KCNIP4: variants seen among roughly 807,000 people sequenced by gnomAD.
The protein encoded by KCNIP4 is potassium voltage-gated channel interacting protein 4, also known as Kv channel-interacting protein 4.
In KCNIP4, 12 loss-of-function variants were observed where a neutral mutation model predicts 34.0. The observed-to-expected ratio is 0.35, with a 90% CI of 0.23 to 0.57. The LOEUF (loss-of-function observed/expected upper bound fraction) is 0.57. Among genes scored for constraint, KCNIP4 ranks in the 20% least tolerant of loss-of-function variants. The probability of loss-of-function intolerance (pLI) is 0.83; values close to 1 mark genes in which losing one functional copy is unlikely to be tolerated. For synonymous variants in KCNIP4, 124 were observed against 102.2 expected (o/e 1.21, Z -1.29); for missense variants, 238 against 311.7 (o/e 0.76, Z 1.78).
chr4:21,504,475 A>AAAAG (rs71191514), intron 1 of KCNIP4, among the ~76,000 whole-genome samples: 5,762 of 101,736 alleles, frequency 0.057, 362 homozygotes, highest in Middle Eastern at 0.14. Context: ...CAAAAAAAAA[A>AAAAG]AAAGAAAGAA....
At chr4:20,944,440 G>A (rs1560589632) in intron 1 of KCNIP4, among the ~76,000 whole-genome samples, 1 of 152,208 alleles carries the variant, frequency 6.6e-6, no homozygotes. Context: ...ACCCCTCCAT[G>A]ACTGAGGATT....
At chr4:21,303,857 A>G in intron 1 of KCNIP4, 1 of 1,614,144 alleles carries the variant, frequency 6.2e-7, no homozygotes, top group South Asian at 1.1e-5. Flanking sequence ...TTTAACAAAA[A>G]GCACAATGAC....
chr4:21,612,349 T>C lies in KCNIP4; in HGVS notation c.61+336222A>G, dbSNP rs567319238. On this transcript the variant is annotated intron_variant, in intron 1 of 8. Transcript: ENST00000382152. The stretch of plus-strand genomic sequence containing the variant: ...TAATAACGTCACACTCAGTGGCACA[T>C]GCCTGTAGTCCAATATACTCAGGAG... Among the ~76,000 whole-genome samples the C allele has an allele frequency of 1.3e-4, 20 of 152,328 alleles. No individual in the cohort carries two copies. In the South Asian group the frequency reaches 3.9e-3, roughly 30 times the overall value.
At chr4:20,755,632 C>T (rs1020374969) in intron 4 of KCNIP4, among the ~76,000 whole-genome samples, 6 of 151,964 alleles carry the variant, frequency 3.9e-5, no homozygotes, top group Admixed American at 2.0e-4. Flanking sequence ...TGGATTGTCT[C>T]GAGTGCCGAA....
intron 1 of KCNIP4, among the ~76,000 whole-genome samples, chr4:21,350,685 C>G (rs1018049285): frequency 6.6e-6 from 1 of 152,150 alleles, no homozygotes; most frequent in Non-Finnish European, 1.5e-5. Context: ...TATTGAAGTG[C>G]TAAGATGAGG....
At chr4:20,802,218 TGCTATAC>T (rs772960863) in intron 3 of KCNIP4, among the ~76,000 whole-genome samples, 41,469 of 123,352 alleles carry the variant, frequency 0.34, 10,054 homozygotes, top group Admixed American at 0.48. Context: ...GCTACATATA[TGCTATAC>T]ATATGCTACA....
rs71655673 is a variant in KCNIP4, at chr4:21,894,334, C to CAAATAAATAAATAAAT, written c.61+54221_61+54236dup. ...TGGGTGACAAAGTGAGACCCAGTCT[C>CAAATAAATAAATAAAT]AAATAAATAAATAAATAAATAAATA... On this transcript the variant is annotated intron_variant, in intron 1 of 8. Transcript: ENST00000382152. 8.2e-4 allele frequency among the ~76,000 whole-genome samples: 123 copies of CAAATAAATAAATAAAT among 150,902 alleles called. 1 individual carries two copies. Among genetic ancestry groups the CAAATAAATAAATAAAT allele is most frequent in the Middle Eastern group, 3.4e-3 (1 of 294 alleles).
At chr4:21,142,108 G>A (rs1194609591) in intron 1 of KCNIP4, among the ~76,000 whole-genome samples, 5 of 141,448 alleles carry the variant, frequency 3.5e-5, no homozygotes, top group East Asian at 4.2e-4. Context: ...CTGAGATCGT[G>A]CCACTGCACT....
intron 1 of KCNIP4, among the ~76,000 whole-genome samples, chr4:21,116,439 C>T (rs750612460): frequency 1.3e-4 from 20 of 152,154 alleles, no homozygotes; most frequent in African/African-American, 4.3e-4. Context: ...ATCGTTCTTA[C>T]GGCTTTAGAG....
chr4:21,533,218 G>T (rs1298338432), intron 1 of KCNIP4, among the ~76,000 whole-genome samples: 3 of 151,952 alleles, frequency 2.0e-5, no homozygotes, highest in Non-Finnish European at 4.4e-5. Flanking sequence ...ATGAATATAT[G>T]CTCTCTCACT....
At chr4:21,068,260 C>T (rs1419207011) in intron 1 of KCNIP4, among the ~76,000 whole-genome samples, 1 of 152,186 alleles carries the variant, frequency 6.6e-6, no homozygotes, top group African/African-American at 2.4e-5. Context: ...ACAATCTCAA[C>T]AGGCTCTGAC....
Position 21,389,321 on chromosome 4 carries a change from A to G in KCNIP4, c.62-506612T>C, listed in dbSNP as rs188743415. 9.9e-5 allele frequency among the ~76,000 whole-genome samples: 15 copies of G among 151,974 alleles called. No individual in the cohort carries two copies. The East Asian group carries it at 2.7e-3, about 27-fold the overall frequency. On this transcript the variant is annotated intron_variant, in intron 1 of 8. Coordinates refer to ENST00000382152, the MANE Select transcript of KCNIP4 (RefSeq NM_025221.6). ...TCATCTCTATTTTTTTTTAAATTAT[A>G]CTTTAAGTTCTAGGGTACATGTGCA...
intron 1 of KCNIP4, among the ~76,000 whole-genome samples, chr4:21,922,795 T>G (rs866239318): frequency 6.6e-6 from 1 of 152,228 alleles, no homozygotes; most frequent in East Asian, 1.9e-4. Context: ...TATAAATGAG[T>G]CAGAGGTTGA....
At chr4:21,911,215 T>C (rs558640763) in intron 1 of KCNIP4, among the ~76,000 whole-genome samples, 2 of 152,274 alleles carry the variant, frequency 1.3e-5, no homozygotes, top group South Asian at 2.1e-4. Flanking sequence ...ATATGAAAGA[T>C]GGAAGGTTTA....
At chr4:21,618,357 A>T (rs904724154) in intron 1 of KCNIP4, among the ~76,000 whole-genome samples, 3 of 152,190 alleles carry the variant, frequency 2.0e-5, no homozygotes, top group Non-Finnish European at 4.4e-5. Context: ...CAAGTATATA[A>T]AATTGATAAT....
intron 1 of KCNIP4, among the ~76,000 whole-genome samples, chr4:21,178,942 T>A (rs1433659127): frequency 6.6e-6 from 1 of 151,740 alleles, no homozygotes; most frequent in Non-Finnish European, 1.5e-5. Context: ...CTCATCCTAC[T>A]GAGTGGCTGG....
At chr4:21,092,771 T>A (rs1747114424) in intron 1 of KCNIP4, among the ~76,000 whole-genome samples, 1 of 152,196 alleles carries the variant, frequency 6.6e-6, no homozygotes, top group South Asian at 2.1e-4. Flanking sequence ...AAGTAATGAC[T>A]AGCCAGGTCT....
At chr4:20,949,607 C>A (rs973214456) in intron 1 of KCNIP4, among the ~76,000 whole-genome samples, 2 of 151,786 alleles carry the variant, frequency 1.3e-5, no homozygotes, top group Non-Finnish European at 2.9e-5. Context: ...TGGAACCAAC[C>A]CAAATGTCCA....
chr4:21,138,124 G>A (rs1989562), intron 1 of KCNIP4, among the ~76,000 whole-genome samples: 80,172 of 151,748 alleles, frequency 0.53, 21,766 homozygotes, highest in African/African-American at 0.64. Context: ...TGCCCGACTC[G>A]GCCTCCCAAA....
Sources: allele counts gnomAD v4.1 joint callset (sites outside exome capture counted in the v4.1 genomes callset), GRCh38; gene constraint gnomAD v4.1.1; transcripts MANE v1.5; gene names NCBI Gene and HGNC (gene_info 2026-07-23, HGNC 2026-07-21).